TASP1: variants seen among roughly 807,000 people sequenced by gnomAD.
The protein encoded by TASP1 is threonine aspartase 1.
TASP1 carries 16 observed loss-of-function variants against 56.6 expected under a neutral mutation model. The observed-to-expected ratio is 0.28, with a 90% CI of 0.19 to 0.43. The LOEUF is 0.43. Among genes scored for constraint, TASP1 ranks in the 20% least tolerant of loss-of-function variants. TASP1 has a pLI of 1.00. For missense variants in TASP1, 393 were observed against 511.6 expected (o/e 0.77, Z 2.24); for synonymous variants, 179 against 184.2 (o/e 0.97, Z 0.23).
intron 13 of TASP1, among the ~76,000 whole-genome samples, chr20:13,415,130 G>A (rs963208407): frequency 7.2e-5 from 11 of 151,982 alleles, no homozygotes; most frequent in Non-Finnish European, 8.8e-5. Context: ...TACTCATTTC[G>A]CTACCACGGC....
chr20:13,449,992 T>G (rs1012641763), intron 11 of TASP1, among the ~76,000 whole-genome samples: 2 of 152,110 alleles, frequency 1.3e-5, no homozygotes, highest in Non-Finnish European at 2.9e-5. Flanking sequence ...TACCGAAGGT[T>G]CATTTCCAAA....
the TASP1 span, among the ~76,000 whole-genome samples, chr20:13,261,096 T>A: frequency 6.6e-6 from 1 of 152,146 alleles, no homozygotes; most frequent in African/African-American, 2.4e-5. Flanking sequence ...CTCTGTTAAC[T>A]GTTGTCCCTT....
chr20:13,269,249 C>T, the TASP1 span, among the ~76,000 whole-genome samples: 39 of 152,088 alleles, frequency 2.6e-4, no homozygotes, highest in Admixed American at 7.9e-4. Flanking sequence ...AAATGCTATC[C>T]CTGAAGGCTG....
At chr20:13,262,715 A>C in the TASP1 span, among the ~76,000 whole-genome samples, 1 of 152,168 alleles carries the variant, frequency 6.6e-6, no homozygotes, top group Admixed American at 6.5e-5. Flanking sequence ...TATTCAAGAC[A>C]CACCAGTGAA....
At chr20:13,429,212 A>G (rs1333663736) in intron 12 of TASP1, among the ~76,000 whole-genome samples, 1 of 152,262 alleles carries the variant, frequency 6.6e-6, no homozygotes, top group East Asian at 1.9e-4. Flanking sequence ...TGGTGCTAAC[A>G]GAGCACAAGG....
chr20:13,537,253 T>C (rs1302164146), intron 8 of TASP1, among the ~76,000 whole-genome samples: 1 of 152,138 alleles, frequency 6.6e-6, no homozygotes, highest in African/African-American at 2.4e-5. Context: ...AACTTCGTTT[T>C]CAAAACTGAA....
At chr20:13,203,676 A>AT in the TASP1 span, among the ~76,000 whole-genome samples, 1 of 152,230 alleles carries the variant, frequency 6.6e-6, no homozygotes, top group Non-Finnish European at 1.5e-5. Flanking sequence ...TTTAGCATAC[A>AT]TTTTTTATAG....
chr20:13,281,805 C>A, the TASP1 span, among the ~76,000 whole-genome samples: 1 of 152,188 alleles, frequency 6.6e-6, no homozygotes, highest in South Asian at 2.1e-4. Flanking sequence ...TGTGGCTTCA[C>A]CTGTTTGCCC....
the TASP1 span, among the ~76,000 whole-genome samples, chr20:13,307,254 G>C: frequency 6.6e-6 from 1 of 152,088 alleles, no homozygotes; most frequent in Non-Finnish European, 1.5e-5. Context: ...GCCATCCTTT[G>C]GGCCAGTCTT....
intron 11 of TASP1, among the ~76,000 whole-genome samples, chr20:13,466,509 G>T (rs962538643): frequency 5.3e-5 from 8 of 152,158 alleles, no homozygotes; most frequent in African/African-American, 1.9e-4. Flanking sequence ...CACTTTGGGA[G>T]GCCAAGGCAG....
chr20:13,136,922 C>A, the TASP1 span, among the ~76,000 whole-genome samples: 562 of 152,074 alleles, frequency 3.7e-3, 1 homozygote, highest in Non-Finnish European at 6.1e-3. Context: ...TAAACAGATA[C>A]TATCCAGATA....
intron 8 of TASP1, among the ~76,000 whole-genome samples, chr20:13,557,440 C>CT (rs2046196473): frequency 1.3e-5 from 2 of 151,850 alleles, no homozygotes; most frequent in African/African-American, 4.8e-5. Flanking sequence ...AAGTTGGAGA[C>CT]TAACTGGAAA....
At chr20:13,248,514 C>T in the TASP1 span, among the ~76,000 whole-genome samples, 1 of 152,164 alleles carries the variant, frequency 6.6e-6, no homozygotes, top group Non-Finnish European at 1.5e-5. Context: ...CATTCTGCAC[C>T]ATTTCCCAGC....
At chr20:13,476,096 G>C (rs1250887519) in intron 11 of TASP1, among the ~76,000 whole-genome samples, 2 of 152,166 alleles carry the variant, frequency 1.3e-5, no homozygotes, top group Non-Finnish European at 2.9e-5. Flanking sequence ...TCCAGCCTGG[G>C]CAACAGGAGT....
chr20:13,505,231 T>C (rs950759479), intron 10 of TASP1, among the ~76,000 whole-genome samples: 3 of 152,136 alleles, frequency 2.0e-5, no homozygotes, highest in Non-Finnish European at 4.4e-5. Flanking sequence ...GTAACAATTG[T>C]AAATACATAT....
chr20:13,335,721 T>C, the TASP1 span, among the ~76,000 whole-genome samples: 5 of 151,598 alleles, frequency 3.3e-5, no homozygotes. Flanking sequence ...TAAAAAAATA[T>C]AATTACTGAA....
the TASP1 span, among the ~76,000 whole-genome samples, chr20:13,170,766 C>G: frequency 6.6e-6 from 1 of 152,138 alleles, no homozygotes. Context: ...AGGTCTGGCT[C>G]CAATCATCAC....
the TASP1 span, among the ~76,000 whole-genome samples, chr20:13,375,091 T>C: frequency 6.6e-6 from 1 of 152,148 alleles, no homozygotes; most frequent in Non-Finnish European, 1.5e-5. Flanking sequence ...TTTTGTTTTG[T>C]TTTGTTTTTT....
chr20:13,464,185 G>A (rs1568835469), intron 11 of TASP1, among the ~76,000 whole-genome samples: 1 of 152,140 alleles, frequency 6.6e-6, no homozygotes, highest in Non-Finnish European at 1.5e-5. Context: ...CTGTATTGGA[G>A]ACAGAGTCTT....
Sources: gnomAD v4.1 joint callset for allele counts (sites outside exome capture counted in the v4.1 genomes callset) on GRCh38, gnomAD v4.1.1 for gene constraint, MANE v1.5 for transcripts, NCBI Gene and HGNC (gene_info 2026-07-23, HGNC 2026-07-21) for gene names.